The following IGSF10 variants were observed in gnomAD, a reference collection of about 807,000 sequenced individuals.
IGSF10 encodes the protein immunoglobulin superfamily member 10.
IGSF10 carries 126 observed loss-of-function variants against 128.2 expected under a neutral mutation model. The observed-to-expected ratio is 0.98, with a 90% CI of 0.85 to 1.14. The LOEUF is 1.14. IGSF10 is among the 50% of genes most tolerant of loss of function. The pLI is 0.00. For synonymous variants in IGSF10, 1,185 were observed against 1,146.2 expected, an observed-to-expected ratio of 1.03 and a Z score of -0.68; for missense variants, 3,295 against 3,149.8, an observed-to-expected ratio of 1.05 and a Z score of -1.10.
At chr3:151,595,199 A>G in the IGSF10 span, among the ~76,000 whole-genome samples, 10 of 152,200 alleles carry the variant, frequency 6.6e-5, no homozygotes, top group Admixed American at 6.5e-4. Context: ...TATGGAAAAC[A>G]GTATGGAGGT....
At chr3:151,500,400 C>T in the IGSF10 span, among the ~76,000 whole-genome samples, 1 of 151,954 alleles carries the variant, frequency 6.6e-6, no homozygotes, top group African/African-American at 2.4e-5. Flanking sequence ...TTTTGAATTC[C>T]AAATTTCACA....
the IGSF10 span, among the ~76,000 whole-genome samples, chr3:151,546,561 C>T: frequency 6.1e-3 from 924 of 150,700 alleles, 10 homozygotes; most frequent in African/African-American, 0.022. Context: ...CTCAGTATGT[C>T]GCCCAGCCTG....
the IGSF10 span, among the ~76,000 whole-genome samples, chr3:151,524,975 TG>T: frequency 6.8e-6 from 1 of 148,114 alleles, no homozygotes; most frequent in Non-Finnish European, 1.5e-5. Flanking sequence ...AGATAATCTT[TG>T]TAACAATTTT....
rs747146384 is a variant in IGSF10, at chr3:151,445,944, C to G, written c.4037G>C (p.Arg1346Thr). The G allele has an allele frequency of 1.2e-6, 2 of 1,614,088 alleles. No individual in the cohort carries two copies. The highest frequency in any genetic ancestry group is 2.2e-5 in the East Asian group (1 of 44,878). Reference protein sequence around the residue: ...TERSRAQTIQREQEPQKKNRT... With the variant: ...TERSRAQTIQTEQEPQKKNRT... ...GTTCTTCTTTTGAGGCTCCTGTTCT[C>G]TTTGTATTGTTTGTGCTCTAGATCT... The change falls in exon 6 of 8, where the codon AGA becomes ACA. Residue 1346 changes from arginine (R) to threonine (T), a missense_variant. Coordinates refer to ENST00000282466, the MANE Select transcript of IGSF10 (RefSeq NM_178822.5).
At position 151,445,966 on chromosome 3, in the gene IGSF10, A is replaced by T. The variant is rs142315366; in HGVS notation, c.4015T>A (p.Ser1339Thr). The T allele has an allele frequency of 1.9e-6, 3 of 1,614,020 alleles. No homozygotes were observed. The highest frequency in any genetic ancestry group is 2.5e-6 in the Non-Finnish European group (3 of 1,180,034). ...TCTCTTTGTATTGTTTGTGCTCTAG[A>T]TCTCTCTGTTTGGGTTTCATAAGTG... is the stretch of plus-strand genomic sequence containing the variant. ...VITYETQTERSRAQTIQREQE... is the reference protein window; with the variant it reads ...VITYETQTERTRAQTIQREQE... Residue 1339 changes from serine to threonine, a missense_variant, in exon 6 of 8, where the codon TCT (serine) becomes ACT (threonine). Physicochemically the swap from Ser to Thr is moderately conservative, Grantham distance 58 (BLOSUM62 1). Coordinates refer to ENST00000282466, the MANE Select transcript of IGSF10 (RefSeq NM_178822.5).
chr3:151,513,497 A>G, the IGSF10 span, among the ~76,000 whole-genome samples: 1 of 152,176 alleles, frequency 6.6e-6, no homozygotes, highest in Non-Finnish European at 1.5e-5. Context: ...TCTATGACAG[A>G]CCCTCAGCCA....
chr3:151,531,887 A>G, the IGSF10 span, among the ~76,000 whole-genome samples: 1 of 152,160 alleles, frequency 6.6e-6, no homozygotes, highest in East Asian at 1.9e-4. Context: ...ATATCAATGA[A>G]CCCAGGAGCT....
chr3:151,499,521 G>T, the IGSF10 span: 125,203 of 152,116 alleles, frequency 0.82, 51,614 homozygotes, highest in Middle Eastern at 0.93. Context: ...CAAAGTCAGG[G>T]ACTGTGACTT....
chr3:151,509,939 C>A, the IGSF10 span, among the ~76,000 whole-genome samples: 1 of 152,192 alleles, frequency 6.6e-6, no homozygotes, highest in African/African-American at 2.4e-5. Flanking sequence ...GGGGCACCCA[C>A]CATTGCTCAG....
the IGSF10 span, among the ~76,000 whole-genome samples, chr3:151,562,985 C>T: frequency 5.7e-4 from 87 of 152,060 alleles, no homozygotes; most frequent in Non-Finnish European, 1.1e-3. Flanking sequence ...AACATAGGGC[C>T]TCAATCCTCT....
the IGSF10 span, among the ~76,000 whole-genome samples, chr3:151,553,861 C>G: frequency 6.6e-6 from 1 of 151,804 alleles, no homozygotes; most frequent in African/African-American, 2.4e-5. Context: ...TGCCTGCAAT[C>G]CCAGCACTTT....
At chr3:151,488,642 CAGAACAG>C in the IGSF10 span, among the ~76,000 whole-genome samples, 86 of 152,248 alleles carry the variant, frequency 5.6e-4, no homozygotes, top group African/African-American at 1.9e-3. Flanking sequence ...ACCAATGGAA[CAGAACAG>C]AGCCCTCAGA....
At chr3:151,596,085 G>A in the IGSF10 span, among the ~76,000 whole-genome samples, 1 of 152,168 alleles carries the variant, frequency 6.6e-6, no homozygotes, top group African/African-American at 2.4e-5. Context: ...TTAAATATAT[G>A]TAATTTTTGA....
At chr3:151,496,806 G>C in the IGSF10 span, among the ~76,000 whole-genome samples, 5 of 152,000 alleles carry the variant, frequency 3.3e-5, no homozygotes, top group South Asian at 1.0e-3. Context: ...CAGTGTAAAA[G>C]TGTTCCTATT....
the IGSF10 span, among the ~76,000 whole-genome samples, chr3:151,498,316 T>G: frequency 6.6e-6 from 1 of 152,208 alleles, no homozygotes. Flanking sequence ...TTGTCATAGA[T>G]AGCTCTCATT....
chr3:151,573,263 G>T, the IGSF10 span, among the ~76,000 whole-genome samples: 1 of 152,158 alleles, frequency 6.6e-6, no homozygotes, highest in Non-Finnish European at 1.5e-5. Context: ...TGCAGAGTGA[G>T]TTCAGGTCCT....
intron 4 of IGSF10, among the ~76,000 whole-genome samples, chr3:151,455,213 G>GATT (rs1721728334): frequency 6.7e-6 from 1 of 149,478 alleles, no homozygotes; most frequent in Non-Finnish European, 1.5e-5. Flanking sequence ...TGGGTCAAGT[G>GATT]ATTATCCTGC....
At chr3:151,598,941 A>G in the IGSF10 span, among the ~76,000 whole-genome samples, 1 of 152,332 alleles carries the variant, frequency 6.6e-6, no homozygotes, top group South Asian at 2.1e-4. Context: ...GGCCAGGGAA[A>G]GAGGAACTAG....
At chr3:151,517,559 G>A in the IGSF10 span, among the ~76,000 whole-genome samples, 1 of 151,938 alleles carries the variant, frequency 6.6e-6, no homozygotes, top group Non-Finnish European at 1.5e-5. Flanking sequence ...GTGTGACCAT[G>A]AGGGCAGTGT....
Sources: gnomAD v4.1 joint callset for allele counts (sites outside exome capture counted in the v4.1 genomes callset) on GRCh38, gnomAD v4.1.1 for gene constraint, MANE v1.5 for transcripts, NCBI Gene and HGNC (gene_info 2026-07-23, HGNC 2026-07-21) for gene names.